Variants in TRHDE observed in about 807,000 individuals in gnomAD.
TRHDE encodes thyrotropin releasing hormone degrading enzyme, also known as thyrotropin-releasing hormone-degrading ectoenzyme.
In TRHDE, 72 loss-of-function variants were observed where a neutral mutation model predicts 125.7. The observed-to-expected ratio is 0.57, with a 90% CI of 0.47 to 0.70. TRHDE has a LOEUF of 0.70. Among genes scored for constraint, TRHDE ranks in the 30% least tolerant of loss-of-function variants. TRHDE has a pLI of 0.00. For synonymous variants in TRHDE, 509 were observed against 509.1 expected, an observed-to-expected ratio of 1.00 and a Z score of 0.00; for missense variants, 1,110 against 1,327.1, an observed-to-expected ratio of 0.84 and a Z score of 2.54.
intron 2 of TRHDE, among the ~76,000 whole-genome samples, chr12:72,302,387 T>C (rs1194097456): frequency 2.0e-5 from 3 of 152,106 alleles, no homozygotes; most frequent in African/African-American, 7.2e-5. Context: ...TCTGCCCTAA[T>C]GGAACTTCAT....
At chr12:72,179,514 G>A (rs1452643457) in intron 2 of TRHDE, among the ~76,000 whole-genome samples, 2 of 151,878 alleles carry the variant, frequency 1.3e-5, no homozygotes, top group Non-Finnish European at 2.9e-5. Flanking sequence ...CTTTGCTAAT[G>A]CTTTTTGCTT....
chr12:72,130,736 A>G (rs1210918583), intron 2 of TRHDE, among the ~76,000 whole-genome samples: 2 of 152,232 alleles, frequency 1.3e-5, no homozygotes, highest in Admixed American at 6.5e-5. Context: ...AAAAATGAGC[A>G]CAGGGTATGG....
At position 72,530,674 on chromosome 12, in the gene TRHDE, G is replaced by T. The variant is rs371322189; in HGVS notation, c.1723-11617G>T. On this transcript the variant is annotated intron_variant, in intron 6 of 18. Coordinates refer to ENST00000261180, the MANE Select transcript of TRHDE (RefSeq NM_013381.3). ...TATGCTTGTTCTCTCTGCCTGGAAT[G>T]TTCTTCCTCAGTCATCAACATGGCT... 2.0e-5 allele frequency among the ~76,000 whole-genome samples: 3 copies of T among 150,368 alleles called. No individual in the cohort carries two copies. In the South Asian group the frequency reaches 6.4e-4, roughly 32 times the overall value.
At chr12:72,647,405 T>C (rs1044180731) in intron 15 of TRHDE, among the ~76,000 whole-genome samples, 12 of 151,454 alleles carry the variant, frequency 7.9e-5, no homozygotes, top group Admixed American at 3.3e-4. Flanking sequence ...CTCAAGGAGA[T>C]AGAAAAAGAA....
At chr12:72,445,611 C>T (rs925628240) in intron 3 of TRHDE, among the ~76,000 whole-genome samples, 1 of 151,828 alleles carries the variant, frequency 6.6e-6, no homozygotes, top group Non-Finnish European at 1.5e-5. Flanking sequence ...ATATATCGTT[C>T]ATCTTAAGCT....
intron 3 of TRHDE, among the ~76,000 whole-genome samples, chr12:72,400,899 T>C (rs1873014974): frequency 6.6e-6 from 1 of 152,152 alleles, no homozygotes; most frequent in South Asian, 2.1e-4. Flanking sequence ...TGGAGTAAAA[T>C]AATTTCTTCT....
At chr12:72,594,948 T>C (rs1871864194) in intron 12 of TRHDE, among the ~76,000 whole-genome samples, 1 of 151,492 alleles carries the variant, frequency 6.6e-6, no homozygotes, top group South Asian at 2.1e-4. Context: ...AAAGGATGAG[T>C]TCATGTCCTT....
At chr12:72,332,269 G>C (rs1249539488) in intron 2 of TRHDE, among the ~76,000 whole-genome samples, 1 of 152,108 alleles carries the variant, frequency 6.6e-6, no homozygotes, top group Non-Finnish European at 1.5e-5. Flanking sequence ...CTCCCAAGTA[G>C]CTGGGACTAC....
At chr12:72,502,642 A>C (rs771214371) in intron 6 of TRHDE, among the ~76,000 whole-genome samples, 67 of 152,200 alleles carry the variant, frequency 4.4e-4, no homozygotes, top group Non-Finnish European at 6.5e-4. Context: ...TGTTAGCTAG[A>C]GTGTTCTATA....
intron 6 of TRHDE, among the ~76,000 whole-genome samples, chr12:72,513,185 A>G (rs913177501): frequency 6.6e-6 from 1 of 152,100 alleles, no homozygotes; most frequent in Non-Finnish European, 1.5e-5. Context: ...GGACCTAAAT[A>G]TTATCTCAGT....
intron 6 of TRHDE, among the ~76,000 whole-genome samples, chr12:72,541,631 C>A (rs894542021): frequency 2.6e-5 from 4 of 151,364 alleles, no homozygotes; most frequent in Non-Finnish European, 5.9e-5. Context: ...ATTTTTCAGA[C>A]CTAGTTCAAA....
chr12:72,095,007 T>G (rs1042634337), intron 1 of TRHDE, among the ~76,000 whole-genome samples: 1 of 152,240 alleles, frequency 6.6e-6, no homozygotes, highest in Non-Finnish European at 1.5e-5. Flanking sequence ...TTGCTCTAAA[T>G]TCTTTCTTGA....
intron 16 of TRHDE, among the ~76,000 whole-genome samples, chr12:72,652,724 TAA>T (rs1874554677): frequency 6.6e-6 from 1 of 151,708 alleles, no homozygotes; most frequent in East Asian, 1.9e-4. Flanking sequence ...TATTTTATTA[TAA>T]AAGTGTTTAA....
exon 2 of TRHDE, chr12:72,105,749 A>G (rs1411473147): frequency 1.3e-5 from 2 of 152,202 alleles, no homozygotes; most frequent in South Asian, 2.1e-4. Flanking sequence ...CTATGCCACT[A>G]AAGGTAATAC....
intron 5 of TRHDE, among the ~76,000 whole-genome samples, chr12:72,491,562 C>G (rs952868594): frequency 2.6e-5 from 4 of 151,780 alleles, no homozygotes; most frequent in Admixed American, 2.0e-4. Flanking sequence ...TGAGACATGA[C>G]GCATTCAGCT....
At chr12:72,260,511 A>G (rs1290335827) in intron 2 of TRHDE, among the ~76,000 whole-genome samples, 1 of 152,144 alleles carries the variant, frequency 6.6e-6, no homozygotes, top group Non-Finnish European at 1.5e-5. Context: ...ACAATGCCTG[A>G]GCAGCAGTGA....
intron 12 of TRHDE, among the ~76,000 whole-genome samples, chr12:72,602,555 C>T (rs547505353): frequency 6.6e-6 from 1 of 152,120 alleles, no homozygotes; most frequent in South Asian, 2.1e-4. Flanking sequence ...GCAAAAGTAC[C>T]ATTTTTGCAA....
intron 3 of TRHDE, among the ~76,000 whole-genome samples, chr12:72,454,698 A>G (rs1875751265): frequency 1.3e-5 from 2 of 152,176 alleles, no homozygotes; most frequent in Admixed American, 6.5e-5. Context: ...TTTAATGTAC[A>G]TATAAGTAGT....
In TRHDE at chr12:72,195,099, A is replaced by C. The variant is rs1877414425; in HGVS notation, n.279+89347A>C. Among the ~76,000 whole-genome samples the C allele has an allele frequency of 2.0e-5, 3 of 152,226 alleles. No individual in the cohort carries two copies. In the South Asian group the frequency reaches 6.2e-4, roughly 32 times the overall value. On this transcript the variant is annotated intron_variant and non_coding_transcript_variant, in intron 2 of 4. Transcript: ENST00000548156. ...AGGAGAAATGCCAAGCAAACGGGGAAAAGCCCCTCATAAAACCATCAGATC... is the reference window on the plus strand; with the variant it reads ...AGGAGAAATGCCAAGCAAACGGGGACAAGCCCCTCATAAAACCATCAGATC...
Sources: allele counts gnomAD v4.1 joint callset (sites outside exome capture counted in the v4.1 genomes callset), GRCh38; gene constraint gnomAD v4.1.1; transcripts MANE v1.5; gene names NCBI Gene and HGNC (gene_info 2026-07-23, HGNC 2026-07-21).